Variants in DLGAP1 observed in about 807,000 individuals in gnomAD.
DLGAP1 encodes disks large-associated protein 1.
A neutral mutation model predicts 90.8 loss-of-function variants in DLGAP1; 11 were observed. The observed-to-expected ratio is 0.12, with a 90% CI of 0.08 to 0.20. The LOEUF (loss-of-function observed/expected upper bound fraction) is 0.20. DLGAP1 is among the 10% of genes least tolerant of loss of function. DLGAP1 has a pLI of 1.00. For missense variants in DLGAP1, 1,050 were observed against 1,333.8 expected, an observed-to-expected ratio of 0.79 and a Z score of 3.31; for synonymous variants, 558 against 540.7, an observed-to-expected ratio of 1.03 and a Z score of -0.44.
intron 5 of DLGAP1, among the ~76,000 whole-genome samples, chr18:3,747,464 T>C (rs139079151): frequency 3.9e-4 from 60 of 152,190 alleles, no homozygotes; most frequent in Non-Finnish European, 7.6e-4. Flanking sequence ...CACTTCTCTT[T>C]AGAACTTGCG....
intron 7 of DLGAP1, chr18:3,721,487 T>C (rs2147350504): frequency 6.6e-6 from 1 of 152,322 alleles, no homozygotes; most frequent in South Asian, 2.1e-4. Flanking sequence ...TCATAGGCTT[T>C]TAAAAAAATT....
intron 1 of DLGAP1, among the ~76,000 whole-genome samples, chr18:4,370,331 C>T (rs962269120): frequency 1.4e-4 from 21 of 152,086 alleles, no homozygotes; most frequent in African/African-American, 2.2e-4. Context: ...AACATTCTGA[C>T]GGAGAGGTTC....
intron 3 of DLGAP1, among the ~76,000 whole-genome samples, chr18:3,910,855 A>G (rs1282591679): frequency 6.6e-6 from 1 of 152,176 alleles, no homozygotes; most frequent in African/African-American, 2.4e-5. Context: ...TGACATCAAC[A>G]GTGTCTAAAA....
chr18:4,409,983 G>C (rs1215539210), intron 1 of DLGAP1, among the ~76,000 whole-genome samples: 22 of 152,106 alleles, frequency 1.4e-4, no homozygotes. Flanking sequence ...GCCATAAAAA[G>C]GAATGAATTA....
chr18:3,799,165 C>T (rs1469992940), intron 5 of DLGAP1, among the ~76,000 whole-genome samples: 1 of 152,134 alleles, frequency 6.6e-6, no homozygotes, highest in Non-Finnish European at 1.5e-5. Context: ...CCACTGTGTC[C>T]GGCAATAGAC....
At chr18:4,335,022 CAAT>C (rs1568520881) in intron 1 of DLGAP1, among the ~76,000 whole-genome samples, 1 of 151,774 alleles carries the variant, frequency 6.6e-6, no homozygotes, top group Non-Finnish European at 1.5e-5. Flanking sequence ...TGTGTTGTGA[CAAT>C]AATACTATTA....
At chr18:3,873,661 T>A (rs2070888878) in intron 4 of DLGAP1, among the ~76,000 whole-genome samples, 1 of 152,152 alleles carries the variant, frequency 6.6e-6, no homozygotes, top group African/African-American at 2.4e-5. Flanking sequence ...GAACCAATTA[T>A]TGAAAAAAAT....
intron 9 of DLGAP1, among the ~76,000 whole-genome samples, chr18:3,542,299 A>G (rs1482625915): frequency 6.6e-6 from 1 of 152,214 alleles, no homozygotes; most frequent in Admixed American, 6.5e-5. Flanking sequence ...ACCTCTGAAC[A>G]CACAAAGCTT....
intron 3 of DLGAP1, among the ~76,000 whole-genome samples, chr18:3,881,168 AGGCTGCAGTGCAAT>A (rs2071158119): frequency 6.7e-6 from 1 of 150,336 alleles, no homozygotes; most frequent in Non-Finnish European, 1.5e-5. Flanking sequence ...TCTGTTGCCC[AGGCTGCAGTGCAAT>A]GGCACGATCT....
At chr18:4,324,597 A>G (rs2080773553) in intron 1 of DLGAP1, among the ~76,000 whole-genome samples, 1 of 152,150 alleles carries the variant, frequency 6.6e-6, no homozygotes, top group Non-Finnish European at 1.5e-5. Context: ...ACCTTGATGA[A>G]CATAGGTGCA....
At chr18:4,429,357 A>G (rs1212110231) in intron 1 of DLGAP1, among the ~76,000 whole-genome samples, 1 of 152,254 alleles carries the variant, frequency 6.6e-6, no homozygotes, top group Non-Finnish European at 1.5e-5. Flanking sequence ...GCCAATAACA[A>G]AAGCATTACA....
At chr18:3,840,058 A>G (rs139405347) in intron 4 of DLGAP1, among the ~76,000 whole-genome samples, 1 of 152,312 alleles carries the variant, frequency 6.6e-6, no homozygotes, top group Non-Finnish European at 1.5e-5. Flanking sequence ...CAGCGTTGCA[A>G]TTCCTCTGAC....
intron 7 of DLGAP1, among the ~76,000 whole-genome samples, chr18:3,589,250 T>C (rs1307719042): frequency 6.6e-6 from 1 of 152,112 alleles, no homozygotes; most frequent in Non-Finnish European, 1.5e-5. Context: ...GGGCCAGAGA[T>C]TATTTTATTC....
intron 1 of DLGAP1, among the ~76,000 whole-genome samples, chr18:4,167,948 T>C (rs1340464312): frequency 6.6e-6 from 1 of 152,108 alleles, no homozygotes; most frequent in Admixed American, 6.6e-5. Context: ...AAGATTGAAA[T>C]AAATGGAAAG....
chr18:3,696,747 G>A (rs1312079175), intron 7 of DLGAP1, among the ~76,000 whole-genome samples: 2 of 152,140 alleles, frequency 1.3e-5, no homozygotes, highest in African/African-American at 4.8e-5. Flanking sequence ...TTTTTGTATT[G>A]TTTGGAATAG....
At chr18:3,897,995 CTT>C (rs1568287575) in intron 3 of DLGAP1, among the ~76,000 whole-genome samples, 3 of 151,908 alleles carry the variant, frequency 2.0e-5, no homozygotes, top group African/African-American at 4.8e-5. Context: ...GGGGTTTCAC[CTT>C]GTTAGCCAGG....
At chr18:3,745,224 G>A (rs752311654) in intron 5 of DLGAP1, among the ~76,000 whole-genome samples, 2 of 152,092 alleles carry the variant, frequency 1.3e-5, no homozygotes, top group African/African-American at 2.4e-5. Context: ...ATATCTGAAG[G>A]GTATGGAGTT....
At chr18:3,659,742 T>C (rs1313110319) in intron 7 of DLGAP1, among the ~76,000 whole-genome samples, 3 of 152,044 alleles carry the variant, frequency 2.0e-5, no homozygotes, top group Non-Finnish European at 4.4e-5. Flanking sequence ...AGTTTCGTAT[T>C]TTTAGTAGAG....
chr18:4,186,809 T>C (rs567076340), intron 1 of DLGAP1, among the ~76,000 whole-genome samples: 5 of 152,252 alleles, frequency 3.3e-5, no homozygotes, highest in African/African-American at 1.2e-4. Context: ...AAGAATGTCA[T>C]TGGTAGTTTA....
Sources: gnomAD v4.1 joint callset for allele counts (sites outside exome capture counted in the v4.1 genomes callset) on GRCh38, gnomAD v4.1.1 for gene constraint, MANE v1.5 for transcripts, NCBI Gene and HGNC (gene_info 2026-07-23, HGNC 2026-07-21) for gene names.